Variants in GFRAL observed in about 807,000 individuals in gnomAD.
GFRAL encodes GDNF family receptor alpha-like.
In GFRAL, 36 loss-of-function variants were observed where a neutral mutation model predicts 45.4. The observed-to-expected ratio is 0.79, with a 90% CI of 0.61 to 1.05. The LOEUF is 1.05. Among genes scored for constraint, GFRAL ranks in the 50% least tolerant of loss-of-function variants. The pLI, the probability that GFRAL is intolerant of heterozygous loss-of-function variation, is 0.00. For missense variants in GFRAL, 507 were observed against 467.5 expected, an observed-to-expected ratio of 1.08 and a Z score of -0.78; for synonymous variants, 166 against 154.1, an observed-to-expected ratio of 1.08 and a Z score of -0.57.
Position 55,347,515 on chromosome 6 carries a change from G to A in GFRAL, c.317-2577G>A, listed in dbSNP as rs540337722. 2.6e-5 allele frequency among the ~76,000 whole-genome samples: 4 copies of A among 152,166 alleles called. No homozygotes were observed. The East Asian group carries it at 7.8e-4, about 29-fold the overall frequency. ...GTACCTGAGTCGATGCTGAATATCA[G>A]GGCAAGACTTTGAGGTTAATATTTG... On this transcript the variant is annotated intron_variant, in intron 3 of 8. Coordinates refer to ENST00000340465, the MANE Select transcript of GFRAL (RefSeq NM_207410.2).
intron 3 of GFRAL, among the ~76,000 whole-genome samples, chr6:55,338,198 C>A (rs1234614445): frequency 6.6e-6 from 1 of 152,022 alleles, no homozygotes; most frequent in African/African-American, 2.4e-5. Flanking sequence ...TCAAGCTATT[C>A]CTCTGCCTCA....
chr6:55,331,928 C>A, intron 2 of GFRAL, 79 bp downstream of exon 2: 1 of 1,354,374 alleles, frequency 7.4e-7, no homozygotes. Flanking sequence ...TTGTCATTAT[C>A]CTAAGAACTA....
chr6:55,380,336 G>T (rs1052145256), intron 6 of GFRAL, among the ~76,000 whole-genome samples: 1 of 151,878 alleles, frequency 6.6e-6, no homozygotes, highest in Non-Finnish European at 1.5e-5. Flanking sequence ...GAAGAAACAT[G>T]GTCACAAAGA....
Position 55,399,213 on chromosome 6 carries a change from C to T in GFRAL, c.986C>T (p.Ala329Val). ...ACCCTGTCTAATGTCAAAGGCATGG[C>T]ATTGTATACAAGAAAACATGCAAAC... ...YPTLSNVKGM[A>V]LYTRKHANKI... The change falls in exon 7 of 9, where the codon GCA becomes GTA. Residue 329 changes from alanine (A) to valine (V), a missense_variant. Ala to Val is a moderately conservative substitution (Grantham distance 64). Transcript: ENST00000340465. 1 of 1,603,452 alleles carries T rather than the reference C, an allele frequency of 6.2e-7. No individual in the cohort carries two copies. The highest frequency in any genetic ancestry group is 1.7e-4 in the Middle Eastern group (1 of 5,820).
At chr6:55,394,259 G>C (rs1411436772) in intron 6 of GFRAL, among the ~76,000 whole-genome samples, 1 of 152,146 alleles carries the variant, frequency 6.6e-6, no homozygotes, top group African/African-American at 2.4e-5. Flanking sequence ...CAAGAAGGTA[G>C]CTTGAAATGA....
chr6:55,344,584 A>C (rs1052483176), intron 3 of GFRAL, among the ~76,000 whole-genome samples: 5 of 152,232 alleles, frequency 3.3e-5, no homozygotes, highest in African/African-American at 1.2e-4. Flanking sequence ...AGTCAATATC[A>C]TACTGGATGG....
At chr6:55,393,782 G>T (rs1768785760) in intron 6 of GFRAL, among the ~76,000 whole-genome samples, 1 of 152,150 alleles carries the variant, frequency 6.6e-6, no homozygotes, top group African/African-American at 2.4e-5. Context: ...AGACATGATA[G>T]AGGCTTTAGG....
chr6:55,340,000 G>A (rs115410761), intron 3 of GFRAL, among the ~76,000 whole-genome samples: 1,986 of 152,256 alleles, frequency 0.013, 21 homozygotes, highest in Non-Finnish European at 0.022. Flanking sequence ...CCTTGCACTC[G>A]ATGAGAGTTT....
At chr6:55,356,777 G>A (rs115653105) in intron 5 of GFRAL, among the ~76,000 whole-genome samples, 2,071 of 151,632 alleles carry the variant, frequency 0.014, 51 homozygotes, top group African/African-American at 0.047. Flanking sequence ...TTTAAGATGC[G>A]TTGCTAAGTT....
chr6:55,369,596 T>A (rs183152501), intron 6 of GFRAL, among the ~76,000 whole-genome samples: 2 of 152,344 alleles, frequency 1.3e-5, no homozygotes, highest in African/African-American at 4.8e-5. Context: ...CTGCAATAAA[T>A]GTTATTGCAC....
chr6:55,358,859 CTAAT>C, intron 5 of GFRAL, 25 bp from the exon 6 acceptor site: 2 of 1,602,226 alleles, frequency 1.2e-6, no homozygotes, highest in East Asian at 2.2e-5. Flanking sequence ...CTATTCAAAA[CTAAT>C]TATTTTTCTT....
At chr6:55,340,254 T>A (rs958569737) in intron 3 of GFRAL, among the ~76,000 whole-genome samples, 1 of 152,160 alleles carries the variant, frequency 6.6e-6, no homozygotes, top group African/African-American at 2.4e-5. Context: ...ACAAAATGGT[T>A]TTCTCTCCAT....
At chr6:55,392,934 G>A (rs1198054325) in intron 6 of GFRAL, among the ~76,000 whole-genome samples, 2 of 151,916 alleles carry the variant, frequency 1.3e-5, no homozygotes, top group Non-Finnish European at 2.9e-5. Flanking sequence ...AAAAAGGAAA[G>A]AAAAATTTGC....
intron 3 of GFRAL, among the ~76,000 whole-genome samples, chr6:55,349,193 G>A (rs1021525865): frequency 1.3e-5 from 2 of 152,014 alleles, no homozygotes; most frequent in Non-Finnish European, 2.9e-5. Flanking sequence ...ACACACCTGG[G>A]GGTAGAAGTA....
intron 2 of GFRAL, among the ~76,000 whole-genome samples, chr6:55,333,422 A>G (rs1393368148): frequency 2.0e-5 from 3 of 152,164 alleles, no homozygotes; most frequent in African/African-American, 7.2e-5. Context: ...ATAAAAGATC[A>G]GATTATGACA....
chr6:55,388,566 C>G (rs1561866689), intron 6 of GFRAL, among the ~76,000 whole-genome samples: 2 of 152,192 alleles, frequency 1.3e-5, no homozygotes, highest in African/African-American at 2.4e-5. Context: ...AAAATGTACA[C>G]TAAGCATATG....
At chr6:55,334,032 G>A (rs1036989395) in intron 3 of GFRAL, 88 bp downstream of exon 3, 6 of 808,962 alleles carry the variant, frequency 7.4e-6, no homozygotes, top group Middle Eastern at 7.7e-4. Context: ...TGTGATTAAT[G>A]TTTTTTGTAA....
intron 6 of GFRAL, among the ~76,000 whole-genome samples, chr6:55,365,389 G>T (rs1768346783): frequency 7.8e-6 from 1 of 127,936 alleles, no homozygotes; most frequent in African/African-American, 3.3e-5. Context: ...CTGCAAACAG[G>T]GACAATTTGA....
chr6:55,340,698 C>T (rs768684271), intron 3 of GFRAL, among the ~76,000 whole-genome samples: 4 of 152,130 alleles, frequency 2.6e-5, no homozygotes, highest in Admixed American at 2.0e-4. Flanking sequence ...GTGCAGCCTA[C>T]TGAGCGTGAG....
Sources: allele counts gnomAD v4.1 joint callset (sites outside exome capture counted in the v4.1 genomes callset), GRCh38; gene constraint gnomAD v4.1.1; transcripts MANE v1.5; gene names NCBI Gene and HGNC (gene_info 2026-07-23, HGNC 2026-07-21).